Variants in PDIA4 observed in about 807,000 individuals in gnomAD.
PDIA4 encodes the protein protein disulfide-isomerase A4.
PDIA4 carries 33 observed loss-of-function variants against 62.1 expected under a neutral mutation model. That is an observed-to-expected ratio of 0.53 (90% CI 0.40 to 0.71). The LOEUF (loss-of-function observed/expected upper bound fraction) is 0.71. PDIA4 is among the 30% of genes least tolerant of loss of function. The probability of loss-of-function intolerance (pLI) is 0.00; values close to 1 mark genes in which losing one functional copy is unlikely to be tolerated. For missense variants in PDIA4, 804 were observed against 813.6 expected, an observed-to-expected ratio of 0.99 and a Z score of 0.14; for synonymous variants, 341 against 324.1, an observed-to-expected ratio of 1.05 and a Z score of -0.56.
chr7:149,018,682 T>C (rs1323559050), intron 3 of PDIA4, among the ~76,000 whole-genome samples: 1 of 152,158 alleles, frequency 6.6e-6, no homozygotes, highest in South Asian at 2.1e-4. Flanking sequence ...TCCAGCTGCC[T>C]TGGCCTCCCA....
In PDIA4 at chr7:149,003,167, T is replaced by C. The variant is rs1288781420; in HGVS notation, c.*627A>G. The stretch of plus-strand genomic sequence containing the variant: ...TCCAGGGTCCTTTCTGCTCCGGCAC[T>C]GGGGGCTCTCAAGAGGTGGGGCTGC... On this transcript the variant is annotated 3_prime_UTR_variant, in exon 10 of 10. Transcript: ENST00000652332. The C allele has an allele frequency of 5.9e-6, 1 of 169,034 alleles. No homozygotes were observed. The highest frequency in any genetic ancestry group is 2.4e-5 in the African/African-American group (1 of 41,554). 10.5% of individuals were successfully genotyped at this position (169,034 alleles called of 1,614,324 possible). A position where few individuals can be genotyped will look rare whatever the true frequency, so the allele number is the denominator to read the frequency against.
At chr7:149,025,757 C>T (rs1824528556) in intron 1 of PDIA4, among the ~76,000 whole-genome samples, 3 of 152,008 alleles carry the variant, frequency 2.0e-5, no homozygotes, top group Non-Finnish European at 2.9e-5. Context: ...TTTATGGCTC[C>T]GAAAATAATT....
intron 2 of PDIA4, among the ~76,000 whole-genome samples, chr7:149,019,637 GCTGT>G (rs1413162424): frequency 2.0e-5 from 3 of 152,098 alleles, no homozygotes; most frequent in African/African-American, 7.2e-5. Context: ...ATAGTGAAAC[GCTGT>G]CTGTACTGAA....
chr7:149,005,778 C>A, intron 8 of PDIA4, 119 bp downstream of exon 8: 1 of 785,626 alleles, frequency 1.3e-6, no homozygotes, highest in Non-Finnish European at 1.9e-6. Context: ...GGGCCCCAGG[C>A]TGGGATTTCT....
intron 4 of PDIA4, among the ~76,000 whole-genome samples, chr7:149,013,129 T>C (rs998583455): frequency 4.6e-5 from 7 of 151,990 alleles, no homozygotes; most frequent in Admixed American, 4.6e-4. Context: ...GCGCCTGTAA[T>C]CCCAGCTACT....
Position 149,018,975 on chromosome 7 carries a change from C to T in PDIA4, c.475+17G>A, listed in dbSNP as rs1415242773. On this transcript the variant is annotated intron_variant, in intron 3 of 9. Transcript: ENST00000652332. ...CGGGAAGGAGTTCTTCCTCTACGAG[C>T]TCAGGTACCAGCTCACCTTCCTGGG... The T allele has an allele frequency of 1.3e-6, 2 of 1,590,836 alleles. No individual in the cohort carries two copies. The highest frequency in any genetic ancestry group is 8.6e-7 in the Non-Finnish European group (1 of 1,159,562).
intron 4 of PDIA4, 75 bp from the exon 5 acceptor site, chr7:149,012,435 A>T (rs1200234165): frequency 7.7e-7 from 1 of 1,291,450 alleles, no homozygotes; most frequent in African/African-American, 1.5e-5. Context: ...AGCTGCAGAA[A>T]CCCATCCTGT....
chr7:149,025,666 C>G (rs985486840), intron 1 of PDIA4, among the ~76,000 whole-genome samples: 8 of 152,214 alleles, frequency 5.3e-5, no homozygotes, highest in African/African-American at 1.7e-4. Flanking sequence ...GACCACTTAA[C>G]TGCTATGCTG....
At chr7:149,006,209 C>T (rs1236081436) in intron 7 of PDIA4, 156 bp from the exon 8 acceptor site, 2 of 634,980 alleles carry the variant, frequency 3.1e-6, no homozygotes, top group East Asian at 6.9e-5. Context: ...AAGCACAGCC[C>T]AGTCATTCCC....
rs768955747 is a variant in PDIA4, at chr7:149,019,179, C to T, written c.288G>A (p.Gln96=). The change falls in exon 3 of 10, where the codon CAG becomes CAA. Residue 96 remains glutamine (Q), a synonymous_variant. Transcript: ENST00000652332. ...FYAPWCGHCK[Q]FAPEYEKIAN... is the part of the protein sequence containing the mutation. ...CAATTTTTTCATATTCCGGAGCAAA[C>T]TGCTTGCAATGTCCACACCTAACAA... 6.2e-7 allele frequency: 1 copy of T among 1,613,430 alleles called. No individual in the cohort carries two copies. Among genetic ancestry groups the T allele is most frequent in the Non-Finnish European group, 8.5e-7 (1 of 1,179,432 alleles).
rs547826408 is a variant in PDIA4, at chr7:149,023,985, G to A, written c.89-2838C>T. 3.7e-4 allele frequency among the ~76,000 whole-genome samples: 57 copies of A among 152,292 alleles called. 1 individual carries two copies. Among genetic ancestry groups the A allele is most frequent in the African/African-American group, 1.2e-3 (49 of 41,562 alleles). ...ATTTTGGCGAGACATGGTGGATCAC[G>A]CCTATAATCCCAGCACTTTGGGAGG... On this transcript the variant is annotated intron_variant, in intron 1 of 9. Transcript: ENST00000652332.
intron 1 of PDIA4, among the ~76,000 whole-genome samples, chr7:149,026,601 A>T (rs1824567863): frequency 6.6e-6 from 1 of 151,888 alleles, no homozygotes; most frequent in Admixed American, 6.6e-5. Flanking sequence ...TGGTGAGCTG[A>T]GATCGCGTCA....
chr7:149,012,718 G>T (rs4727007), intron 4 of PDIA4, among the ~76,000 whole-genome samples: 1 of 152,072 alleles, frequency 6.6e-6, no homozygotes, highest in Non-Finnish European at 1.5e-5. Flanking sequence ...CAGCAAGGAT[G>T]TAAGTCATAG....
chr7:149,016,964 T>C (rs1824158983), intron 3 of PDIA4, among the ~76,000 whole-genome samples: 1 of 152,192 alleles, frequency 6.6e-6, no homozygotes, highest in East Asian at 1.9e-4. Context: ...TCCATTCTCT[T>C]TGTATACGCC....
chr7:149,018,447 T>G (rs1328575547), intron 3 of PDIA4, among the ~76,000 whole-genome samples: 1 of 151,766 alleles, frequency 6.6e-6, no homozygotes, highest in African/African-American at 2.4e-5. Context: ...TTATTTATTT[T>G]TTGAAACAGA....
intron 1 of PDIA4, among the ~76,000 whole-genome samples, chr7:149,024,699 C>T (rs1824478291): frequency 6.6e-6 from 1 of 151,138 alleles, no homozygotes; most frequent in Non-Finnish European, 1.5e-5. Flanking sequence ...ACCTGTAATC[C>T]CAGCCACTCG....
In PDIA4 at chr7:149,015,026, G is replaced by A. The variant is rs539347930; in HGVS notation, c.492C>T (p.Val164=). The change falls in exon 4 of 10, where the codon GTC becomes GTT. Residue 164 remains valine (V), a synonymous_variant. Transcript: ENST00000652332. ...SRTQEEIVAK[V]REVSQPDWTP... ...TCCAGTCGGGCTGGGAGACTTCTCT[G>A]ACCTTGGCAACAATTTCTGAAAGAA... 2.5e-5 allele frequency: 41 copies of A among 1,614,188 alleles called. No homozygotes were observed. The African/African-American group carries it at 4.9e-4, about 19-fold the overall frequency.
chr7:149,019,592 C>T (rs965652309), intron 2 of PDIA4, among the ~76,000 whole-genome samples: 1 of 152,096 alleles, frequency 6.6e-6, no homozygotes, highest in African/African-American at 2.4e-5. Context: ...GGGCGGATCA[C>T]TTGAGATCAG....
chr7:149,023,984 C>T (rs535380885), intron 1 of PDIA4, among the ~76,000 whole-genome samples: 30 of 152,284 alleles, frequency 2.0e-4, no homozygotes, highest in Admixed American at 1.2e-3. Flanking sequence ...TGGTGGATCA[C>T]GCCTATAATC....
Sources: allele counts gnomAD v4.1 joint callset (sites outside exome capture counted in the v4.1 genomes callset), GRCh38; gene constraint gnomAD v4.1.1; transcripts MANE v1.5; gene names NCBI Gene and HGNC (gene_info 2026-07-23, HGNC 2026-07-21).